The following LINGO2 variants were observed in gnomAD, a reference collection of about 807,000 sequenced individuals.
The protein encoded by LINGO2 is leucine-rich repeat and immunoglobulin-like domain-containing nogo receptor-interacting protein 2.
A neutral mutation model predicts 30.6 loss-of-function variants in LINGO2; 14 were observed. The observed-to-expected ratio is 0.46, with a 90% CI of 0.30 to 0.72. The LOEUF is 0.72. LINGO2 is among the 30% of genes least tolerant of loss of function. The pLI, the probability that LINGO2 is intolerant of heterozygous loss-of-function variation, is 0.07. For synonymous variants in LINGO2, 317 were observed against 288.5 expected, an observed-to-expected ratio of 1.10 and a Z score of -1.00; for missense variants, 729 against 751.7, an observed-to-expected ratio of 0.97 and a Z score of 0.35.
intron 5 of LINGO2, among the ~76,000 whole-genome samples, chr9:27,989,975 G>A (rs996443973): frequency 6.6e-6 from 1 of 152,024 alleles, no homozygotes; most frequent in African/African-American, 2.4e-5. Context: ...ATGAGAAGTG[G>A]TTCCAGCTCT....
chr9:29,026,511 C>T, the LINGO2 span, among the ~76,000 whole-genome samples: 18 of 151,976 alleles, frequency 1.2e-4, no homozygotes, highest in East Asian at 3.3e-3. Flanking sequence ...TACTCTTTAA[C>T]TTAATTATAC....
At chr9:28,823,861 T>C in the LINGO2 span, among the ~76,000 whole-genome samples, 2 of 152,186 alleles carry the variant, frequency 1.3e-5, no homozygotes, top group African/African-American at 4.8e-5. Flanking sequence ...CAGGTGTGTA[T>C]ATTGACTGAC....
At chr9:29,046,601 G>T in the LINGO2 span, among the ~76,000 whole-genome samples, 1,251 of 151,982 alleles carry the variant, frequency 8.2e-3, 6 homozygotes, top group Middle Eastern at 0.031. Context: ...ACTCAAAATT[G>T]ATTAAAAAAT....
intron 1 of LINGO2, among the ~76,000 whole-genome samples, chr9:28,538,462 G>A (rs1367994502): frequency 3.3e-5 from 5 of 151,912 alleles, no homozygotes; most frequent in Non-Finnish European, 7.4e-5. Flanking sequence ...ATTCAAAACT[G>A]TCAAAGTATA....
the LINGO2 span, among the ~76,000 whole-genome samples, chr9:28,738,515 T>C: frequency 6.6e-6 from 1 of 152,032 alleles, no homozygotes; most frequent in African/African-American, 2.4e-5. Flanking sequence ...TTCAGAACCG[T>C]TTGATTAAAA....
intron 1 of LINGO2, among the ~76,000 whole-genome samples, chr9:28,507,212 A>T (rs984846369): frequency 2.0e-5 from 3 of 148,882 alleles, no homozygotes; most frequent in Non-Finnish European, 4.5e-5. Flanking sequence ...ATTTCAGAGG[A>T]GTGTGTGTGT....
chr9:29,090,579 G>C, the LINGO2 span, among the ~76,000 whole-genome samples: 16 of 152,030 alleles, frequency 1.1e-4, no homozygotes, highest in Admixed American at 5.3e-4. Context: ...AGCAACATAT[G>C]TTCTCATAAG....
chr9:29,055,425 A>G, the LINGO2 span, among the ~76,000 whole-genome samples: 2 of 152,142 alleles, frequency 1.3e-5, no homozygotes, highest in African/African-American at 4.8e-5. Context: ...CGTGCATATC[A>G]CCACATTTTT....
chr9:28,618,260 C>A (rs77126598), intron 1 of LINGO2, among the ~76,000 whole-genome samples: 2,311 of 152,204 alleles, frequency 0.015, 32 homozygotes, highest in Non-Finnish European at 0.022. Flanking sequence ...GGCGGCATCA[C>A]CACATATTCA....
intron 1 of LINGO2, among the ~76,000 whole-genome samples, chr9:28,632,770 A>G (rs1827034525): frequency 7.2e-6 from 1 of 139,606 alleles, no homozygotes; most frequent in Non-Finnish European, 1.5e-5. Context: ...ATAGATTTAT[A>G]TATTATATAT....
At chr9:29,171,142 T>C in the LINGO2 span, among the ~76,000 whole-genome samples, 2 of 152,242 alleles carry the variant, frequency 1.3e-5, 1 homozygote, top group South Asian at 4.1e-4. Flanking sequence ...TGAATATGTC[T>C]AAAGCTAAGC....
chr9:28,783,924 G>A, the LINGO2 span, among the ~76,000 whole-genome samples: 1 of 152,150 alleles, frequency 6.6e-6, no homozygotes, highest in Non-Finnish European at 1.5e-5. Flanking sequence ...TCCTTATGTA[G>A]TGGAAAGAGA....
chr9:29,137,296 C>T, the LINGO2 span, among the ~76,000 whole-genome samples: 1,365 of 152,204 alleles, frequency 9.0e-3, 13 homozygotes, highest in African/African-American at 0.031. Flanking sequence ...TAACTAAGCT[C>T]TAATTATTAT....
chr9:29,193,020 G>A, the LINGO2 span, among the ~76,000 whole-genome samples: 2 of 152,146 alleles, frequency 1.3e-5, no homozygotes, highest in Non-Finnish European at 2.9e-5. Flanking sequence ...CTGACAAGAG[G>A]CAGAATCTTT....
intron 4 of LINGO2, among the ~76,000 whole-genome samples, chr9:28,061,989 A>G (rs1471199349): frequency 6.6e-6 from 1 of 152,154 alleles, no homozygotes. Context: ...TTTAGTTTTC[A>G]GTGGGAATAA....
chr9:29,131,574 T>C, the LINGO2 span, among the ~76,000 whole-genome samples: 1 of 152,080 alleles, frequency 6.6e-6, no homozygotes, highest in Non-Finnish European at 1.5e-5. Flanking sequence ...GTTTCTGGAA[T>C]TGCATCCACA....
At chr9:28,047,682 C>T (rs1181549323) in intron 4 of LINGO2, among the ~76,000 whole-genome samples, 1 of 150,704 alleles carries the variant, frequency 6.6e-6, no homozygotes, top group African/African-American at 2.5e-5. Context: ...TATGAATAAC[C>T]TGAGATAACA....
At chr9:28,909,892 A>T in the LINGO2 span, among the ~76,000 whole-genome samples, 1 of 152,070 alleles carries the variant, frequency 6.6e-6, no homozygotes, top group African/African-American at 2.4e-5. Flanking sequence ...GCTGAGTGAC[A>T]AATTATTCCC....
the LINGO2 span, among the ~76,000 whole-genome samples, chr9:28,890,432 GCC>G: frequency 1.3e-5 from 2 of 152,192 alleles, no homozygotes; most frequent in East Asian, 3.9e-4. Context: ...GATCAAAGGG[GCC>G]TGCCTGGTAT....
Sources: gnomAD v4.1 joint callset for allele counts (sites outside exome capture counted in the v4.1 genomes callset) on GRCh38, gnomAD v4.1.1 for gene constraint, MANE v1.5 for transcripts, NCBI Gene and HGNC (gene_info 2026-07-23, HGNC 2026-07-21) for gene names.